Variants in RIMS1 observed in about 807,000 individuals in gnomAD.
RIMS1 encodes the protein regulating synaptic membrane exocytosis 1.
A neutral mutation model predicts 214.1 loss-of-function variants in RIMS1; 83 were observed. The ratio of observed to expected loss-of-function variants is 0.39; its 90% CI spans 0.32 to 0.47. RIMS1 has a LOEUF of 0.47. Among genes scored for constraint, RIMS1 ranks in the 20% least tolerant of loss-of-function variants. The pLI is 0.99. For missense variants in RIMS1, 2,050 were observed against 2,161.8 expected, an observed-to-expected ratio of 0.95 and a Z score of 1.03; for synonymous variants, 793 against 786.8, an observed-to-expected ratio of 1.01 and a Z score of -0.13.
At chr6:72,018,081 T>A (rs1338597446) in intron 2 of RIMS1, among the ~76,000 whole-genome samples, 1 of 152,096 alleles carries the variant, frequency 6.6e-6, no homozygotes, top group Non-Finnish European at 1.5e-5. Context: ...TTGAACCATA[T>A]CACTGTAGCT....
intron 4 of RIMS1, among the ~76,000 whole-genome samples, chr6:72,146,075 A>G (rs2153891535): frequency 6.6e-6 from 1 of 152,350 alleles, no homozygotes; most frequent in Non-Finnish European, 1.5e-5. Flanking sequence ...CAAAAAGTAA[A>G]AAATGATTAC....
At chr6:71,951,576 G>A (rs1454584788) in intron 1 of RIMS1, among the ~76,000 whole-genome samples, 4 of 147,888 alleles carry the variant, frequency 2.7e-5, no homozygotes, top group Admixed American at 2.0e-4. Context: ...CTGCAGCCTT[G>A]ACCTTCTGGG....
At chr6:72,223,223 C>T (rs992432549) in intron 6 of RIMS1, among the ~76,000 whole-genome samples, 2 of 152,202 alleles carry the variant, frequency 1.3e-5, no homozygotes, top group Non-Finnish European at 1.5e-5. Flanking sequence ...TTTTCACTTA[C>T]TTCCCATCCT....
chr6:72,098,426 C>G (rs1483461717), intron 3 of RIMS1, among the ~76,000 whole-genome samples: 4 of 152,092 alleles, frequency 2.6e-5, no homozygotes, highest in African/African-American at 7.2e-5. Context: ...TCCCGAGTAG[C>G]TGAGATTACA....
chr6:71,932,545 G>C (rs1018232120), intron 1 of RIMS1, among the ~76,000 whole-genome samples: 2 of 152,064 alleles, frequency 1.3e-5, no homozygotes, highest in African/African-American at 4.8e-5. Flanking sequence ...AAATCCGGGT[G>C]ATGAAATAAT....
In RIMS1 at chr6:72,403,024, G is replaced by A. The variant is rs1452467603; in HGVS notation, c.*2310G>A. ...TCACTTCGTCAGCCTGTCTAAGTGA[G>A]CACATGACTATACTTCTGAAAAGTG... is the stretch of plus-strand genomic sequence containing the variant. On this transcript the variant is annotated 3_prime_UTR_variant, in exon 34 of 34. Transcript: ENST00000521978. 6.6e-6 allele frequency: 1 copy of A among 152,264 alleles called. No homozygotes were observed. Among genetic ancestry groups the A allele is most frequent in the East Asian group, 1.9e-4 (1 of 5,196 alleles). The allele number at this position is 152,264 out of a possible 1,614,324, so 9.4% of individuals were successfully genotyped here. A position where few individuals can be genotyped will look rare whatever the true frequency, so the allele number is the denominator to read the frequency against.
intron 2 of RIMS1, among the ~76,000 whole-genome samples, chr6:72,012,975 A>G (rs1811362044): frequency 6.6e-6 from 1 of 152,242 alleles, no homozygotes; most frequent in Non-Finnish European, 1.5e-5. Context: ...TTTGGAATCA[A>G]GACACCTGTG....
At chr6:72,198,219 A>G (rs530249434) in intron 6 of RIMS1, among the ~76,000 whole-genome samples, 33 of 152,230 alleles carry the variant, frequency 2.2e-4, no homozygotes, top group Admixed American at 1.5e-3. Flanking sequence ...CCATCGGTGC[A>G]TGAATGGGTA....
chr6:72,080,851 T>TA (rs1413068027), intron 2 of RIMS1, among the ~76,000 whole-genome samples: 2 of 152,074 alleles, frequency 1.3e-5, no homozygotes, highest in African/African-American at 2.4e-5. Flanking sequence ...ACTTACACTT[T>TA]AAAAAAACAG....
At chr6:72,285,868 T>C (rs2092127602) in intron 24 of RIMS1, among the ~76,000 whole-genome samples, 2 of 152,192 alleles carry the variant, frequency 1.3e-5, no homozygotes, top group South Asian at 4.1e-4. Context: ...TGTATTCTTT[T>C]AATTCTATTC....
chr6:72,056,051 G>A (rs1001958275), intron 2 of RIMS1, among the ~76,000 whole-genome samples: 1 of 149,810 alleles, frequency 6.7e-6, no homozygotes, highest in African/African-American at 2.5e-5. Flanking sequence ...AGAAAATGTG[G>A]TACATATGCA....
chr6:72,095,116 ATTTT>A (rs71540328), intron 2 of RIMS1, among the ~76,000 whole-genome samples: 2 of 98,980 alleles, frequency 2.0e-5, no homozygotes, highest in East Asian at 3.0e-4. Context: ...ACGCCCGACT[ATTTT>A]TTTTTTTTTT....
chr6:72,362,517 T>C (rs778898127), intron 29 of RIMS1, among the ~76,000 whole-genome samples: 2 of 152,118 alleles, frequency 1.3e-5, no homozygotes, highest in Admixed American at 6.6e-5. Context: ...TGTATACTTA[T>C]GTGTAATGAG....
intron 4 of RIMS1, among the ~76,000 whole-genome samples, chr6:72,104,609 C>T (rs971824446): frequency 3.3e-5 from 5 of 152,126 alleles, no homozygotes; most frequent in African/African-American, 1.2e-4. Flanking sequence ...AGCCCATTCA[C>T]TTGGCCGTAC....
At chr6:72,123,112 G>T (rs1562366011) in intron 4 of RIMS1, among the ~76,000 whole-genome samples, 2 of 151,582 alleles carry the variant, frequency 1.3e-5, no homozygotes, top group Non-Finnish European at 2.9e-5. Context: ...GGCATTTAGT[G>T]CTATAGATTT....
At chr6:72,390,451 C>A in intron 29 of RIMS1, 147 bp from the exon 30 acceptor site, 1 of 912,314 alleles carries the variant, frequency 1.1e-6, no homozygotes, top group Non-Finnish European at 1.6e-6. Context: ...GAGCCTGAAT[C>A]AAGCAAAGTA....
At chr6:72,367,882 T>G (rs2098087884) in intron 29 of RIMS1, among the ~76,000 whole-genome samples, 1 of 152,170 alleles carries the variant, frequency 6.6e-6, no homozygotes, top group East Asian at 1.9e-4. Context: ...ACATGTTGCT[T>G]GTGTTTTATT....
Position 72,179,868 on chromosome 6 carries a change from A to G in RIMS1, c.765A>G (p.Glu255=). ...CCTCGCAGCAAGCCTTGGGGCCTGA[A>G]CAGAAGCAGGCTTCATCCAGGTCTA... ...AEPSQQALGP[E]QKQASSRSRS... The change falls in exon 5 of 34, where the codon GAA becomes GAG. Residue 255 remains glutamate, a synonymous_variant. Coordinates refer to ENST00000521978, the MANE Select transcript of RIMS1 (RefSeq NM_014989.7). 2 of 1,587,744 alleles carry G rather than the reference A, an allele frequency of 1.3e-6. No individual in the cohort carries two copies. Among genetic ancestry groups the G allele is most frequent in the Middle Eastern group, 1.7e-4 (1 of 5,886 alleles).
chr6:72,135,045 C>T (rs1222686481), intron 4 of RIMS1, among the ~76,000 whole-genome samples: 1 of 152,074 alleles, frequency 6.6e-6, no homozygotes, highest in African/African-American at 2.4e-5. Context: ...AAGACTGGAT[C>T]AAAATGCTGC....
Sources: allele counts gnomAD v4.1 joint callset (sites outside exome capture counted in the v4.1 genomes callset), GRCh38; gene constraint gnomAD v4.1.1; transcripts MANE v1.5; gene names NCBI Gene and HGNC (gene_info 2026-07-23, HGNC 2026-07-21).